Variants in RUBCN observed in about 807,000 individuals in gnomAD.
The protein encoded by RUBCN is rubicon autophagy regulator.
A neutral mutation model predicts 113.2 loss-of-function variants in RUBCN; 74 were observed. That is an observed-to-expected ratio of 0.65 (90% CI 0.54 to 0.79). RUBCN has a LOEUF of 0.79. RUBCN is among the 30% of genes least tolerant of loss of function. The probability of loss-of-function intolerance (pLI) is 0.00; values close to 1 mark genes in which losing one functional copy is unlikely to be tolerated. For synonymous variants in RUBCN, 480 were observed against 490.0 expected (o/e 0.98, Z 0.27); for missense variants, 1,109 against 1,251.7 (o/e 0.89, Z 1.72).
At chr3:197,701,480 A>G (rs1326589194) in intron 6 of RUBCN, among the ~76,000 whole-genome samples, 9 of 152,224 alleles carry the variant, frequency 5.9e-5, no homozygotes, top group Admixed American at 3.9e-4. Flanking sequence ...CTTCTTGGCA[A>G]TGTGGATTAG....
At chr3:197,727,215 C>T (rs1454011211) in intron 1 of RUBCN, among the ~76,000 whole-genome samples, 1 of 152,236 alleles carries the variant, frequency 6.6e-6, no homozygotes, top group Admixed American at 6.5e-5. Flanking sequence ...GCTGGGATTA[C>T]AGGCGTGAGC....
rs150144153 is a variant in RUBCN, at chr3:197,678,183, C to T, written c.2431-642G>A. ...TGACAGCTGGCTTCAGACTGTCCCA[C>T]GCTCTAACTCGACAACTGGCTTCAG... On this transcript the variant is annotated intron_variant, in intron 16 of 19. Transcript: ENST00000296343. Among the ~76,000 whole-genome samples the T allele has an allele frequency of 1.6e-3, 240 of 149,348 alleles. 5 individuals carry two copies. Among genetic ancestry groups the T allele is most frequent in the East Asian group, 2.0e-3 (10 of 5,018 alleles).
intron 1 of RUBCN, among the ~76,000 whole-genome samples, chr3:197,729,598 G>A (rs1156699452): frequency 6.6e-6 from 1 of 151,548 alleles, no homozygotes; most frequent in African/African-American, 2.4e-5. Context: ...TCGATCTGTT[G>A]CCCAGGGTGG....
upstream of RUBCN, among the ~76,000 whole-genome samples, chr3:197,739,318 G>C (rs1728408773): frequency 6.8e-6 from 1 of 146,828 alleles, no homozygotes; most frequent in Non-Finnish European, 1.5e-5. Flanking sequence ...TTGAACCCAG[G>C]AGGCAGGGCT....
In RUBCN at chr3:197,675,515, G is replaced by A; in HGVS notation, c.2647C>T (p.Leu883Phe). The A allele has an allele frequency of 6.2e-7, 1 of 1,612,898 alleles. No individual in the cohort carries two copies. The highest frequency in any genetic ancestry group is 8.5e-7 in the Non-Finnish European group (1 of 1,179,032). Residue 883 changes from leucine to phenylalanine, a missense_variant and splice_region_variant, in exon 19 of 20, where the codon CTC becomes TTC. Coordinates refer to ENST00000296343, the MANE Select transcript of RUBCN (RefSeq NM_014687.4). The surrounding 1 kb of genome is among the most constrained non-coding windows in gnomAD (Gnocchi z 4.4). ...AGATHVERCMLCQAKGFICEF... is the reference protein window; with the variant it reads ...AGATHVERCMFCQAKGFICEF... ...CAGATGAAGCCTTTGGCTTGGCAGA[G>A]CTGGGGAGGAAAAACACAGATGGCA...
At position 197,730,567 on chromosome 3, in the gene RUBCN, GA is replaced by G. The variant is rs1267413559; in HGVS notation, c.65+6087del. On this transcript the variant is annotated intron_variant, in intron 1 of 19. Coordinates refer to ENST00000296343, the MANE Select transcript of RUBCN (RefSeq NM_014687.4). ...ATTTCTGAAGCAACAGTACACCCTA[GA>G]TTTTTTTTTTTTTTTTTTGAGAGAG... 1.2e-4 allele frequency among the ~76,000 whole-genome samples: 17 copies of G among 145,256 alleles called. No homozygotes were observed. In the East Asian group the frequency reaches 3.0e-3, roughly 25 times the overall value.
At chr3:197,704,512 A>T in intron 4 of RUBCN, 30 bp downstream of exon 4, 1 of 1,607,124 alleles carries the variant, frequency 6.2e-7, no homozygotes, top group East Asian at 2.2e-5. Flanking sequence ...GAGGAAGCAC[A>T]GATGACAGTC....
rs2108912166 is a variant in RUBCN, at chr3:197,703,505, C to A, written c.570+43G>T. ...TAGAGGGCTACATCCTGCTGAGCTCCAGGGACCCAGCATAGACGTGGATAA... is the reference window on the plus strand; with the variant it reads ...TAGAGGGCTACATCCTGCTGAGCTCAAGGGACCCAGCATAGACGTGGATAA... On this transcript the variant is annotated intron_variant, in intron 5 of 19. Coordinates refer to ENST00000296343, the MANE Select transcript of RUBCN (RefSeq NM_014687.4). 3 of 1,374,388 alleles carry A rather than the reference C, an allele frequency of 2.2e-6. No individual in the cohort carries two copies. The East Asian group carries it at 7.0e-5, about 32-fold the overall frequency. 85.1% of individuals were successfully genotyped at this position (1,374,388 alleles called of 1,614,324 possible). A position where few individuals can be genotyped will look rare whatever the true frequency, so the allele number is the denominator to read the frequency against.
chr3:197,700,432 ATAGACT>A (rs1476409079), intron 7 of RUBCN, 175 bp downstream of exon 7: 10 of 629,350 alleles, frequency 1.6e-5, no homozygotes, highest in East Asian at 8.2e-5. Context: ...ACAAACATAA[ATAGACT>A]TAGAGATTTT....
intron 8 of RUBCN, among the ~76,000 whole-genome samples, chr3:197,696,440 G>C (rs1210768683): frequency 1.3e-5 from 2 of 151,908 alleles, no homozygotes; most frequent in Non-Finnish European, 2.9e-5. Context: ...TAAGCCTCTT[G>C]GTTGGAAAAC....
In RUBCN at chr3:197,668,960, T is replaced by C. The variant is rs1169308413; in HGVS notation, c.*6058A>G. On this transcript the variant is annotated 3_prime_UTR_variant, in exon 20 of 20. Coordinates refer to ENST00000296343, the MANE Select transcript of RUBCN (RefSeq NM_014687.4). ...AAAATACTCCACAATGCCACCATTCTAACAGAACCACACTAATTTTTACGT... is the reference window on the plus strand; with the variant it reads ...AAAATACTCCACAATGCCACCATTCCAACAGAACCACACTAATTTTTACGT... Among the ~76,000 whole-genome samples, 1 of 152,212 alleles carries C rather than the reference T, an allele frequency of 6.6e-6. No homozygotes were observed. The highest frequency in any genetic ancestry group is 1.5e-5 in the Non-Finnish European group (1 of 68,042).
Position 197,703,650 on chromosome 3 carries a change from A to G in RUBCN, c.468T>C (p.Ala156=). The part of the protein sequence containing the change: ...RQYIRKFYTD[A]AFLLSDAHVT... ...CATGAGCGTCACTTAGCAGGAAGGC[A>G]GCATCTGGGGAGAGAAAAGCTGCCA... Residue 156 remains alanine, a synonymous_variant, in exon 5 of 20, where the codon GCT becomes GCC. Coordinates refer to ENST00000296343, the MANE Select transcript of RUBCN (RefSeq NM_014687.4). 3 of 1,611,722 alleles carry G rather than the reference A, an allele frequency of 1.9e-6. No homozygotes were observed. The highest frequency in any genetic ancestry group is 1.7e-6 in the Non-Finnish European group (2 of 1,178,000).
At position 197,702,524 on chromosome 3, in the gene RUBCN, G is replaced by A. The variant is rs1414215735; in HGVS notation, c.571-660C>T. Among the ~76,000 whole-genome samples the A allele has an allele frequency of 4.6e-5, 7 of 152,162 alleles. No individual in the cohort carries two copies. The East Asian group carries it at 1.2e-3, about 25-fold the overall frequency. ...CTAAAAATACAAAAATTAGCTGGGC[G>A]TGGTGGCGTGCACCTGTAATCCCAG... On this transcript the variant is annotated intron_variant, in intron 5 of 19. Transcript: ENST00000296343.
chr3:197,737,051 T>C (rs1580411330), upstream of RUBCN: 9 of 598,294 alleles, frequency 1.5e-5, no homozygotes, highest in East Asian at 7.2e-4. Context: ...CGCCCTCCAA[T>C]CCCAGGCCGC....
rs144107621 is a variant in RUBCN, at chr3:197,714,623, C to T, written c.219+3354G>A. Among the ~76,000 whole-genome samples, 110 of 152,282 alleles carry T rather than the reference C, an allele frequency of 7.2e-4. 1 individual carries two copies. Among genetic ancestry groups the T allele is most frequent in the Middle Eastern group, 3.4e-3 (1 of 294 alleles). On this transcript the variant is annotated intron_variant, in intron 2 of 19. Transcript: ENST00000296343. ...AGAATTATAGGCATGAACCACCACG[C>T]GCAGCCAAGTATACACACTTTAATA...
intron 11 of RUBCN, among the ~76,000 whole-genome samples, chr3:197,692,672 G>C (rs1357573301): frequency 1.3e-5 from 2 of 152,114 alleles, no homozygotes; most frequent in African/African-American, 4.8e-5. Context: ...CAAACAAAAG[G>C]AGTTTTAAAT....
intron 1 of RUBCN, among the ~76,000 whole-genome samples, chr3:197,735,392 T>C (rs1234073611): frequency 6.6e-6 from 1 of 152,224 alleles, no homozygotes; most frequent in African/African-American, 2.4e-5. Context: ...GGTGAGGCTG[T>C]GTCTCAAAAA....
At position 197,681,402 on chromosome 3, in the gene RUBCN, A is replaced by C. The variant is rs1265353502; in HGVS notation, c.2192-35T>G. 1.3e-6 allele frequency: 2 copies of C among 1,524,280 alleles called. No individual in the cohort carries two copies. The highest frequency in any genetic ancestry group is 1.8e-6 in the Non-Finnish European group (2 of 1,098,520). The allele number at this position is 1,524,280 out of a possible 1,614,324, so 94.4% of individuals were successfully genotyped here. On this transcript the variant is annotated intron_variant, in intron 15 of 19. Coordinates refer to ENST00000296343, the MANE Select transcript of RUBCN (RefSeq NM_014687.4). This position sits in a 1 kb window ranked among gnomAD's most constrained non-coding sequence, Gnocchi z 5.5. Reference sequence around the variant, plus strand: ...CCGGAAAGCCAGAAAGCCAGATGTAACTTTCCCATCTACAAGCTGGGAAGG... The same window carrying C: ...CCGGAAAGCCAGAAAGCCAGATGTACCTTTCCCATCTACAAGCTGGGAAGG...
At chr3:197,691,149 C>T (rs1163651003) in intron 11 of RUBCN, 1 of 1,277,260 alleles carries the variant, frequency 7.8e-7, no homozygotes, top group Non-Finnish European at 1.0e-6. Context: ...TCGCTACCAT[C>T]TGTGTAATAA....
Sources: allele counts gnomAD v4.1 joint callset (sites outside exome capture counted in the v4.1 genomes callset), GRCh38; gene constraint gnomAD v4.1.1; non-coding constraint Gnocchi (gnomAD v3.1); transcripts MANE v1.5; gene names NCBI Gene and HGNC (gene_info 2026-07-23, HGNC 2026-07-21).